Variants in TTC28 observed in about 807,000 individuals in gnomAD.
The protein encoded by TTC28 is tetratricopeptide repeat domain 28.
TTC28 carries 61 observed loss-of-function variants against 198.0 expected under a neutral mutation model. That is an observed-to-expected ratio of 0.31 (90% CI 0.25 to 0.38). TTC28 has a LOEUF of 0.38. TTC28 is among the 10% of genes least tolerant of loss of function. The pLI, the probability that TTC28 is intolerant of heterozygous loss-of-function variation, is 1.00. For synonymous variants in TTC28, 1,171 were observed against 1,297.8 expected (o/e 0.90, Z 2.10); for missense variants, 2,678 against 3,164.0 (o/e 0.85, Z 3.69).
chr22:28,495,255 T>C (rs1001761732), intron 2 of TTC28, among the ~76,000 whole-genome samples: 12 of 152,126 alleles, frequency 7.9e-5, no homozygotes, highest in Non-Finnish European at 1.0e-4. Context: ...ATGATGAAAA[T>C]AGAGCCTCCC....
intron 5 of TTC28, among the ~76,000 whole-genome samples, chr22:28,188,793 C>G (rs1049256886): frequency 4.6e-5 from 7 of 152,254 alleles, no homozygotes; most frequent in African/African-American, 1.7e-4. Flanking sequence ...AAGGTGTGCA[C>G]AGACTAACAT....
Position 27,985,348 on chromosome 22 carries a change from G to T in TTC28, c.5716C>A (p.Leu1906Ile). The change falls in exon 22 of 23, where the codon CTC (leucine) becomes ATC (isoleucine). Residue 1906 changes from leucine to isoleucine, a missense_variant. By Grantham distance (5) the Leu-to-Ile change is conservative. Around this residue, in one of 8 missense-constraint regions of TTC28, gnomAD observed 314 missense variants for 442.7 expected, o/e 0.71. Transcript: ENST00000397906. ...HEFLAALGFD[L>I]CEVGQEEVIL... ...ACTTCCTCCTGACCAACTTCACAGAGATCAAAACCTAGAGGAACAAAGAAT... is the reference window on the plus strand; with the variant it reads ...ACTTCCTCCTGACCAACTTCACAGATATCAAAACCTAGAGGAACAAAGAAT... 6.4e-7 allele frequency: 1 copy of T among 1,550,826 alleles called. No homozygotes were observed. Among genetic ancestry groups the T allele is most frequent in the South Asian group, 1.2e-5 (1 of 83,984 alleles).
chr22:28,235,275 T>C (rs1929152696), intron 5 of TTC28, among the ~76,000 whole-genome samples: 1 of 152,232 alleles, frequency 6.6e-6, no homozygotes, highest in South Asian at 2.1e-4. Context: ...GTAATATTTG[T>C]ACTAGCATTT....
intron 6 of TTC28, among the ~76,000 whole-genome samples, chr22:28,119,717 C>T (rs772051683): frequency 1.3e-5 from 2 of 152,184 alleles, no homozygotes; most frequent in African/African-American, 4.8e-5. Flanking sequence ...ACACCCAAAA[C>T]GACAATAGCA....
intron 2 of TTC28, among the ~76,000 whole-genome samples, chr22:28,381,134 C>CAA (rs981709849): frequency 7.4e-5 from 8 of 108,638 alleles, no homozygotes; most frequent in East Asian, 7.2e-4. Flanking sequence ...ATCACATTCT[C>CAA]AAAAAAAAAA....
intron 2 of TTC28, among the ~76,000 whole-genome samples, chr22:28,401,521 C>A (rs5762599): frequency 1.3e-5 from 2 of 151,874 alleles, no homozygotes; most frequent in Non-Finnish European, 2.9e-5. Flanking sequence ...GAGGCTGAGG[C>A]GAAAAATCAC....
At chr22:28,483,575 C>T (rs923312567) in intron 2 of TTC28, among the ~76,000 whole-genome samples, 1 of 152,082 alleles carries the variant, frequency 6.6e-6, no homozygotes, top group Non-Finnish European at 1.5e-5. Flanking sequence ...ACATAAAGAT[C>T]CTTGCTATTT....
At chr22:28,598,628 C>T (rs2050583724) in intron 2 of TTC28, among the ~76,000 whole-genome samples, 3 of 149,892 alleles carry the variant, frequency 2.0e-5, no homozygotes, top group South Asian at 2.1e-4. Flanking sequence ...AATAGTTACA[C>T]ATTTAGTAAA....
intron 2 of TTC28, among the ~76,000 whole-genome samples, chr22:28,555,963 A>G (rs1049350539): frequency 8.6e-5 from 13 of 152,036 alleles, no homozygotes; most frequent in Non-Finnish European, 2.9e-5. Flanking sequence ...GCTCATCATC[A>G]TATATCAGAC....
At position 27,982,525 on chromosome 22, in the gene TTC28, G is replaced by T; in HGVS notation, c.7142C>A (p.Ala2381Asp). The T allele has an allele frequency of 6.4e-7, 1 of 1,551,648 alleles. No homozygotes were observed. Among genetic ancestry groups the T allele is most frequent in the Non-Finnish European group, 8.7e-7 (1 of 1,146,992 alleles). The stretch of plus-strand genomic sequence containing the variant: ...CCTTTTGGAAGTCATCGTGCCAGGA[G>T]CCCCCCGGAAGATCTTCATTGGCCC... ...STGPMKIFRG[A>D]PGTMTSKRDV... The change falls in exon 23 of 23, where the codon GCT becomes GAT. Residue 2381 changes from alanine to aspartate, a missense_variant. Ala to Asp is a moderately radical substitution (Grantham distance 126). This residue lies in a region of TTC28 where 622 missense variants were observed against 656.0 expected (regional missense o/e 0.95). Transcript: ENST00000397906. This position sits in a 1 kb window ranked among gnomAD's most constrained non-coding sequence, Gnocchi z 5.2.
At chr22:28,553,512 G>C (rs1213126738) in intron 2 of TTC28, among the ~76,000 whole-genome samples, 1 of 151,436 alleles carries the variant, frequency 6.6e-6, no homozygotes, top group African/African-American at 2.4e-5. Context: ...TCTCTGCCCG[G>C]CCGCCCCGTC....
intron 5 of TTC28, among the ~76,000 whole-genome samples, chr22:28,280,796 T>C (rs1200904960): frequency 6.6e-6 from 1 of 152,214 alleles, no homozygotes; most frequent in African/African-American, 2.4e-5. Context: ...ATAATTTTCT[T>C]GGTTTTCCCT....
chr22:28,542,611 C>T (rs2049440006), intron 2 of TTC28, among the ~76,000 whole-genome samples: 1 of 151,988 alleles, frequency 6.6e-6, no homozygotes, highest in South Asian at 2.1e-4. Flanking sequence ...TAAAATATTA[C>T]ATTACACATC....
chr22:28,046,142 G>A (rs754685116), intron 12 of TTC28, among the ~76,000 whole-genome samples: 2 of 152,210 alleles, frequency 1.3e-5, no homozygotes, highest in African/African-American at 2.4e-5. Flanking sequence ...GTTGTCCTTA[G>A]TGAAAATGCC....
chr22:28,499,144 C>T (rs2048500076), intron 2 of TTC28, among the ~76,000 whole-genome samples: 1 of 152,088 alleles, frequency 6.6e-6, no homozygotes, highest in African/African-American at 2.4e-5. Context: ...TACCACTACA[C>T]TCAGCCTGGA....
At chr22:28,491,413 G>GA (rs1261114015) in intron 2 of TTC28, among the ~76,000 whole-genome samples, 1 of 151,878 alleles carries the variant, frequency 6.6e-6, no homozygotes, top group African/African-American at 2.4e-5. Flanking sequence ...AAACTTACAA[G>GA]AAAAAAACAA....
rs546433745 is a variant in TTC28, at chr22:27,980,135, G to A, written c.*2086C>T. 1 of 152,212 alleles carries A rather than the reference G, an allele frequency of 6.6e-6. No individual in the cohort carries two copies. Among genetic ancestry groups the A allele is most frequent in the African/African-American group, 2.4e-5 (1 of 41,448 alleles). The allele number at this position is 152,212 out of a possible 1,614,324, so 9.4% of individuals were successfully genotyped here. On this transcript the variant is annotated 3_prime_UTR_variant, in exon 23 of 23. Coordinates refer to ENST00000397906, the MANE Select transcript of TTC28 (RefSeq NM_001145418.2). ...TCCTTGGCACTTGGGAAAGAAGGAG[G>A]CTGAGAGATTTGCTAAGAGAGGGAC...
intron 5 of TTC28, among the ~76,000 whole-genome samples, chr22:28,221,321 A>T (rs1415506729): frequency 1.3e-5 from 2 of 152,202 alleles, no homozygotes; most frequent in African/African-American, 4.8e-5. Context: ...CAGGGAGCTT[A>T]TGAGTGTCTG....
chr22:28,020,058 G>T (rs145756679), intron 13 of TTC28, among the ~76,000 whole-genome samples: 210 of 152,372 alleles, frequency 1.4e-3, no homozygotes, highest in African/African-American at 4.9e-3. Flanking sequence ...CCACCAGGCT[G>T]GTAGGGCATC....
Sources: allele counts gnomAD v4.1 joint callset (sites outside exome capture counted in the v4.1 genomes callset), GRCh38; gene constraint gnomAD v4.1.1; regional missense constraint gnomAD v4.1.1; non-coding constraint Gnocchi (gnomAD v3.1); transcripts MANE v1.5; gene names NCBI Gene and HGNC (gene_info 2026-07-23, HGNC 2026-07-21).